ST6GAL1: variants seen among roughly 807,000 people sequenced by gnomAD.
The protein encoded by ST6GAL1 is beta-galactoside alpha-2,6-sialyltransferase 1.
ST6GAL1 carries 20 observed loss-of-function variants against 38.0 expected under a neutral mutation model. That is an observed-to-expected ratio of 0.53 (90% CI 0.37 to 0.77). The LOEUF is 0.77. Among genes scored for constraint, ST6GAL1 ranks in the 30% least tolerant of loss-of-function variants. ST6GAL1 has a pLI of 0.00. For missense variants in ST6GAL1, 432 were observed against 496.4 expected, an observed-to-expected ratio of 0.87 and a Z score of 1.23; for synonymous variants, 196 against 188.2, an observed-to-expected ratio of 1.04 and a Z score of -0.34.
At chr3:186,977,000 C>T (rs1338249166) in intron 2 of ST6GAL1, among the ~76,000 whole-genome samples, 1 of 152,210 alleles carries the variant, frequency 6.6e-6, no homozygotes, top group African/African-American at 2.4e-5. Flanking sequence ...GCTTGCTTGC[C>T]AGAGGAGATC....
At chr3:187,024,314 T>C (rs530500692) in intron 2 of ST6GAL1, among the ~76,000 whole-genome samples, 79 of 151,670 alleles carry the variant, frequency 5.2e-4, no homozygotes, top group South Asian at 4.6e-3. Context: ...CAGATGGTCT[T>C]GATCTCCTGA....
chr3:186,956,754 T>C (rs968259203), intron 1 of ST6GAL1, among the ~76,000 whole-genome samples: 2 of 152,208 alleles, frequency 1.3e-5, no homozygotes. Context: ...ATCCACCAGT[T>C]CAGAAGCACT....
At chr3:187,024,248 C>T (rs1268162860) in intron 2 of ST6GAL1, among the ~76,000 whole-genome samples, 1 of 151,636 alleles carries the variant, frequency 6.6e-6, no homozygotes, top group East Asian at 1.9e-4. Context: ...TGCATGCCTC[C>T]ACGCCTGGCT....
chr3:186,931,352 G>C (rs1408421118), intron 1 of ST6GAL1: 1 of 152,332 alleles, frequency 6.6e-6, no homozygotes, highest in African/African-American at 2.4e-5. Context: ...AGTGGCTCTA[G>C]AGGCGCCACT....
chr3:187,066,225 C>G (rs1719119279), intron 5 of ST6GAL1, among the ~76,000 whole-genome samples: 1 of 152,088 alleles, frequency 6.6e-6, no homozygotes, highest in Admixed American at 6.6e-5. Context: ...ATCATGAGTT[C>G]TGGGGCTTCT....
At chr3:186,960,477 G>A (rs1416907954) in intron 1 of ST6GAL1, among the ~76,000 whole-genome samples, 2 of 152,256 alleles carry the variant, frequency 1.3e-5, no homozygotes, top group East Asian at 3.9e-4. Flanking sequence ...GACCCTTGTG[G>A]GATAGGAGGG....
intron 5 of ST6GAL1, among the ~76,000 whole-genome samples, chr3:187,052,984 G>A (rs1304254407): frequency 7.2e-5 from 11 of 152,208 alleles, no homozygotes; most frequent in East Asian, 1.9e-4. Flanking sequence ...TTTAATGATC[G>A]CCATTCTAAC....
At position 186,945,713 on chromosome 3, in the gene ST6GAL1, A is replaced by G. The variant is rs146888668; in HGVS notation, c.-325+14879A>G. 8.4e-4 allele frequency among the ~76,000 whole-genome samples: 127 copies of G among 151,578 alleles called. 1 individual carries two copies. The East Asian group carries it at 0.014, about 17-fold the overall frequency. On this transcript the variant is annotated intron_variant, in intron 1 of 7. Coordinates refer to ENST00000169298, the MANE Select transcript of ST6GAL1 (RefSeq NM_173216.2). ...AGAAGTGTACCTTTTCCGGCTGGGC[A>G]CGGTGGCTCATGCCTGTAATCTCAG...
At chr3:186,986,126 C>T (rs1715910885) in intron 2 of ST6GAL1, among the ~76,000 whole-genome samples, 1 of 152,046 alleles carries the variant, frequency 6.6e-6, no homozygotes, top group Non-Finnish European at 1.5e-5. Context: ...AGAGACCCCG[C>T]CATAAGGAAG....
intron 4 of ST6GAL1, 148 bp from the exon 5 acceptor site, chr3:187,051,101 C>A (rs1335965160): frequency 2.9e-6 from 2 of 685,380 alleles, no homozygotes. Context: ...GAGCACCACA[C>A]AAATACTGCC....
At chr3:186,955,173 C>T (rs557367233) in intron 1 of ST6GAL1, among the ~76,000 whole-genome samples, 1 of 152,302 alleles carries the variant, frequency 6.6e-6, no homozygotes, top group East Asian at 1.9e-4. Context: ...GATCTCTGTG[C>T]TGTCCCATTG....
intron 1 of ST6GAL1, among the ~76,000 whole-genome samples, chr3:186,940,560 G>C (rs538243063): frequency 2.6e-5 from 4 of 152,332 alleles, no homozygotes; most frequent in African/African-American, 9.6e-5. Flanking sequence ...ACACAAATTC[G>C]TAAACTTTCT....
chr3:186,948,230 G>A (rs375188117), intron 1 of ST6GAL1, among the ~76,000 whole-genome samples: 8 of 152,340 alleles, frequency 5.3e-5, no homozygotes, highest in Middle Eastern at 3.4e-3. Flanking sequence ...CTGCCACGCC[G>A]GCAGGCCCTG....
chr3:187,036,863 A>G (rs1196706822), intron 2 of ST6GAL1, among the ~76,000 whole-genome samples: 1 of 152,242 alleles, frequency 6.6e-6, no homozygotes, highest in Non-Finnish European at 1.5e-5. Context: ...ACAAGCCTGC[A>G]TACATACCCC....
chr3:187,043,029 T>G lies in ST6GAL1; in HGVS notation c.326T>G (p.Leu109Arg). Residue 109 changes from leucine (L) to arginine (R), a missense_variant, in exon 4 of 8, where the codon CTG (leucine) becomes CGG (arginine). Leu to Arg is a moderately radical substitution (Grantham distance 102). Transcript: ENST00000169298. The part of the protein sequence containing the change: ...DSSSKNLIPR[L>R]QKIWKNYLSM... ...TCTTCCAAAAACCTTATCCCTAGGC[T>G]GCAAAAGATCTGGAAGAATTACCTA... 6.2e-7 allele frequency: 1 copy of G among 1,614,150 alleles called. No individual in the cohort carries two copies. Among genetic ancestry groups the G allele is most frequent in the Non-Finnish European group, 8.5e-7 (1 of 1,180,022 alleles).
Position 187,075,566 on chromosome 3 carries a change from C to G in ST6GAL1, c.984C>G (p.Ile328Met). 1 of 1,614,016 alleles carries G rather than the reference C, an allele frequency of 6.2e-7. No individual in the cohort carries two copies. The change falls in exon 8 of 8, where the codon ATC (isoleucine) becomes ATG (methionine). Residue 328 changes from isoleucine (I) to methionine (M), a missense_variant. Transcript: ENST00000169298. This position sits in a 1 kb window ranked among gnomAD's most constrained non-coding sequence, Gnocchi z 4.1. ...CACCTCTGCTCCCCTCTCCAGGTATCATCATCATGATGACGCTGTGTGACC... is the reference window on the plus strand; with the variant it reads ...CACCTCTGCTCCCCTCTCCAGGTATGATCATCATGATGACGCTGTGTGACC... ...PNPPSSGMLG[I>M]IIMMTLCDQV...
At chr3:186,973,426 C>T (rs144689673) in intron 2 of ST6GAL1, among the ~76,000 whole-genome samples, 188 of 152,288 alleles carry the variant, frequency 1.2e-3, no homozygotes, top group African/African-American at 4.4e-3. Flanking sequence ...GGGGACTGGA[C>T]CTTGGAGGAT....
intron 5 of ST6GAL1, among the ~76,000 whole-genome samples, chr3:187,066,872 G>A (rs139585443): frequency 5.3e-4 from 81 of 152,064 alleles, no homozygotes; most frequent in East Asian, 1.2e-3. Context: ...AAGTACAGGC[G>A]TTTGAGAACA....
intron 4 of ST6GAL1, 53 bp downstream of exon 4, chr3:187,043,363 C>T (rs1438458093): frequency 1.9e-6 from 3 of 1,568,608 alleles, no homozygotes; most frequent in East Asian, 4.5e-5. Flanking sequence ...ACTGGCTGGG[C>T]ATATTGATGG....
Sources: allele counts gnomAD v4.1 joint callset (sites outside exome capture counted in the v4.1 genomes callset), GRCh38; gene constraint gnomAD v4.1.1; non-coding constraint Gnocchi (gnomAD v3.1); transcripts MANE v1.5; gene names NCBI Gene and HGNC (gene_info 2026-07-23, HGNC 2026-07-21).